MX1: variants seen among roughly 807,000 people sequenced by gnomAD.
The protein encoded by MX1 is MX dynamin like GTPase 1.
Under a neutral mutation model 66.4 loss-of-function variants are expected in MX1, and 66 were observed. That is an observed-to-expected ratio of 0.99 (90% CI 0.82 to 1.22). MX1 has a LOEUF of 1.22. Among genes scored for constraint, MX1 ranks in the 50% most tolerant of loss-of-function variants. MX1 has a pLI of 0.00. For synonymous variants in MX1, 311 were observed against 318.1 expected (o/e 0.98, Z 0.24); for missense variants, 787 against 834.3 (o/e 0.94, Z 0.70).
intron 10 of MX1, among the ~76,000 whole-genome samples, chr21:41,442,234 T>C (rs934004544): frequency 6.6e-6 from 1 of 151,420 alleles, no homozygotes; most frequent in Non-Finnish European, 1.5e-5. Context: ...TAGAAGAGAA[T>C]AGGAAAAAAG....
chr21:41,450,114 C>T (rs113674738), intron 14 of MX1, among the ~76,000 whole-genome samples: 2 of 152,336 alleles, frequency 1.3e-5, no homozygotes, highest in African/African-American at 4.8e-5. Context: ...CTCCCCCCTG[C>T]TCCACTGCTA....
At chr21:41,436,863 T>A (rs559896961) in intron 6 of MX1, 152 bp from the exon 7 acceptor site, 1 of 873,142 alleles carries the variant, frequency 1.1e-6, no homozygotes, top group East Asian at 2.6e-5. Flanking sequence ...CACAGTGCGA[T>A]GTCCCCGCAT....
At position 41,440,055 on chromosome 21, in the gene MX1, A is replaced by G. The variant is rs569310954; in HGVS notation, c.591+207A>G. On this transcript the variant is annotated intron_variant, in intron 8 of 16. Transcript: ENST00000398598. ...AGTTGAATGGAAGCTTCTTTGGAGA[A>G]AGTGAGGCCAGTGGGCACAGTTGGA... Among the ~76,000 whole-genome samples, 72 of 152,338 alleles carry G rather than the reference A, an allele frequency of 4.7e-4. 2 individuals are homozygous for G. Among genetic ancestry groups the G allele is most frequent in the South Asian group, 3.5e-3 (17 of 4,826 alleles).
intron 4 of MX1, 185 bp from the exon 5 acceptor site, chr21:41,431,865 G>T (rs1328078127): frequency 3.7e-6 from 2 of 539,134 alleles, no homozygotes; most frequent in South Asian, 4.4e-5. Flanking sequence ...TTCTCTTTCC[G>T]TGAATAAAAA....
At chr21:41,453,435 A>G (rs1264547489) in intron 16 of MX1, among the ~76,000 whole-genome samples, 2 of 152,194 alleles carry the variant, frequency 1.3e-5, no homozygotes, top group African/African-American at 4.8e-5. Flanking sequence ...TCTGGTTTTG[A>G]TGGCTGTCTA....
intron 16 of MX1, among the ~76,000 whole-genome samples, chr21:41,453,130 T>C (rs1360246630): frequency 1.3e-5 from 2 of 152,144 alleles, no homozygotes; most frequent in Admixed American, 1.3e-4. Context: ...CAGAAGGCAA[T>C]GGGCACTTCT....
chr21:41,457,970 C>T (rs2090996631), intron 16 of MX1, among the ~76,000 whole-genome samples: 1 of 152,118 alleles, frequency 6.6e-6, no homozygotes, highest in Non-Finnish European at 1.5e-5. Flanking sequence ...ATGATGTCCT[C>T]ATCCAGGTGG....
At chr21:41,454,417 C>T (rs1425380399) in intron 16 of MX1, among the ~76,000 whole-genome samples, 2 of 152,136 alleles carry the variant, frequency 1.3e-5, no homozygotes, top group Non-Finnish European at 2.9e-5. Context: ...TCAACCTAAA[C>T]TCCAAAAGGG....
chr21:41,421,186 A>G (rs2089989416), intron 1 of MX1: 1 of 152,358 alleles, frequency 6.6e-6, no homozygotes, highest in Non-Finnish European at 1.5e-5. Flanking sequence ...GCTTTTAGAT[A>G]TGCATACACA....
chr21:41,445,958 T>C, intron 12 of MX1, 42 bp from the exon 13 acceptor site: 2 of 1,602,726 alleles, frequency 1.2e-6, no homozygotes, highest in Non-Finnish European at 1.7e-6. Context: ...ACACTTGGAT[T>C]TGAAGTCTAT....
At chr21:41,451,852 C>A (rs142547736) in intron 15 of MX1, among the ~76,000 whole-genome samples, 3,567 of 43,850 alleles carry the variant, frequency 0.081, 303 homozygotes, top group African/African-American at 0.29. Flanking sequence ...AAAAAAAAAA[C>A]AAACAAAAAA....
intron 7 of MX1, among the ~76,000 whole-genome samples, chr21:41,438,503 T>C (rs142250427): frequency 2.6e-5 from 4 of 152,194 alleles, no homozygotes; most frequent in African/African-American, 9.7e-5. Context: ...GCTGGACTTA[T>C]CAATGTGGGT....
rs1354751866 is a variant in MX1, at chr21:41,441,984, C to T, written c.929+70C>T. On this transcript the variant is annotated intron_variant, in intron 10 of 16. Coordinates refer to ENST00000398598, the MANE Select transcript of MX1 (RefSeq NM_002462.5). This position sits in a 1 kb window ranked among gnomAD's most constrained non-coding sequence, Gnocchi z 4.0. Reference sequence around the variant, plus strand: ...TGTCAGGCCTTCCAGGGGACAGTGGCAGCCGTCCCACAGATGTGTGGAGTG... The same window carrying T: ...TGTCAGGCCTTCCAGGGGACAGTGGTAGCCGTCCCACAGATGTGTGGAGTG... 4.0e-6 allele frequency: 6 copies of T among 1,513,560 alleles called. No individual in the cohort carries two copies. The highest frequency in any genetic ancestry group is 4.6e-6 in the Non-Finnish European group (5 of 1,091,076). The allele number at this position is 1,513,560 out of a possible 1,614,324, so 93.8% of individuals were successfully genotyped here. A position where few individuals can be genotyped will look rare whatever the true frequency, so the allele number is the denominator to read the frequency against.
At chr21:41,424,430 G>A (rs2090026060), upstream of MX1, among the ~76,000 whole-genome samples, 1 of 152,172 alleles carries the variant, frequency 6.6e-6, no homozygotes, top group Non-Finnish European at 1.5e-5. Flanking sequence ...CCCTCTTGTA[G>A]GTGCAGCAGT....
chr21:41,442,036 T>TGTGC (rs2090536410), intron 10 of MX1, 122 bp downstream of exon 10: 5 of 830,562 alleles, frequency 6.0e-6, no homozygotes, highest in Middle Eastern at 3.1e-4. Context: ...CGTGTGTGTG[T>TGTGC]GTGCGCGTGT....
upstream of MX1, among the ~76,000 whole-genome samples, chr21:41,422,363 A>G (rs2090002697): frequency 6.6e-6 from 1 of 152,232 alleles, no homozygotes; most frequent in Admixed American, 6.5e-5. Flanking sequence ...CGTGTTTAGC[A>G]TATCATCAAG....
At chr21:41,455,529 G>A (rs1359589479) in intron 16 of MX1, among the ~76,000 whole-genome samples, 3 of 152,246 alleles carry the variant, frequency 2.0e-5, no homozygotes, top group Non-Finnish European at 4.4e-5. Context: ...GCAGCTCCCT[G>A]GACAGAAGCA....
chr21:41,444,619 G>A (rs1162767676), intron 11 of MX1, among the ~76,000 whole-genome samples: 1 of 151,992 alleles, frequency 6.6e-6, no homozygotes, highest in African/African-American at 2.4e-5. Context: ...TGCATAACAG[G>A]GTTGTTTCCA....
chr21:41,447,417 A>G (rs1308677998), intron 13 of MX1, among the ~76,000 whole-genome samples: 2 of 152,184 alleles, frequency 1.3e-5, no homozygotes, highest in Admixed American at 6.5e-5. Context: ...AGCCCGTAAC[A>G]CCAAGTCCTG....
Sources: gnomAD v4.1 joint callset for allele counts (sites outside exome capture counted in the v4.1 genomes callset) on GRCh38, gnomAD v4.1.1 for gene constraint, Gnocchi (gnomAD v3.1) non-coding constraint, MANE v1.5 for transcripts, NCBI Gene and HGNC (gene_info 2026-07-23, HGNC 2026-07-21) for gene names.